CAMK1D: variants seen among roughly 807,000 people sequenced by gnomAD.
The protein encoded by CAMK1D is calcium/calmodulin-dependent protein kinase type 1D.
Under a neutral mutation model 47.7 loss-of-function variants are expected in CAMK1D, and 9 were observed. That is an observed-to-expected ratio of 0.19 (90% CI 0.11 to 0.33). The LOEUF is 0.33. Ranked by LOEUF, CAMK1D falls within the 10% of genes least tolerant of loss-of-function variation. The probability of loss-of-function intolerance (pLI) is 1.00; values close to 1 mark genes in which losing one functional copy is unlikely to be tolerated. For missense variants in CAMK1D, 291 were observed against 488.7 expected (o/e 0.60, Z 3.81); for synonymous variants, 184 against 184.9 (o/e 0.99, Z 0.04).
chr10:12,608,043 T>G (rs1838514681), intron 2 of CAMK1D, among the ~76,000 whole-genome samples: 1 of 152,162 alleles, frequency 6.6e-6, no homozygotes, highest in Non-Finnish European at 1.5e-5. Flanking sequence ...CTTACTATTT[T>G]TATATTTTTG....
At chr10:12,781,908 A>G (rs914040394) in intron 5 of CAMK1D, among the ~76,000 whole-genome samples, 4 of 152,020 alleles carry the variant, frequency 2.6e-5, no homozygotes, top group African/African-American at 9.6e-5. Flanking sequence ...TCAGCTTCCC[A>G]AAGTGCTGGG....
At chr10:12,816,032 G>T (rs561123186) in intron 7 of CAMK1D, among the ~76,000 whole-genome samples, 1 of 152,292 alleles carries the variant, frequency 6.6e-6, no homozygotes, top group Admixed American at 6.5e-5. Context: ...AGGGTCCCAG[G>T]CCACCTCCTC....
chr10:12,609,339 C>T (rs1052731012), intron 2 of CAMK1D, among the ~76,000 whole-genome samples: 9 of 152,200 alleles, frequency 5.9e-5, no homozygotes, highest in Middle Eastern at 3.4e-3. Flanking sequence ...TCCATGGAGA[C>T]GGGGTGGGGG....
intron 1 of CAMK1D, among the ~76,000 whole-genome samples, chr10:12,358,240 G>C (rs1460032725): frequency 3.9e-5 from 6 of 151,970 alleles, no homozygotes; most frequent in Non-Finnish European, 8.8e-5. Flanking sequence ...AGAAAGAAAA[G>C]AAAAAAGAAA....
At chr10:12,429,755 G>A (rs776100222) in intron 1 of CAMK1D, among the ~76,000 whole-genome samples, 2 of 152,154 alleles carry the variant, frequency 1.3e-5, no homozygotes, top group Non-Finnish European at 2.9e-5. Flanking sequence ...TCAGGTTCGA[G>A]GTGGGTGTGA....
intron 2 of CAMK1D, among the ~76,000 whole-genome samples, chr10:12,579,166 T>G (rs182985489): frequency 7.6e-4 from 116 of 151,936 alleles, no homozygotes; most frequent in Middle Eastern, 3.4e-3. Context: ...AGGCTGTGGG[T>G]GTGGAACAGC....
At chr10:12,519,895 AC>A (rs1189909642) in intron 1 of CAMK1D, among the ~76,000 whole-genome samples, 1 of 17,148 alleles carries the variant, frequency 5.8e-5, no homozygotes, top group African/African-American at 2.3e-4. Context: ...CGGGGGGCTG[AC>A]CCCCCACCTC....
intron 3 of CAMK1D, among the ~76,000 whole-genome samples, chr10:12,741,337 A>C (rs899988064): frequency 2.6e-5 from 4 of 152,184 alleles, no homozygotes; most frequent in African/African-American, 4.8e-5. Context: ...AAGTTCAGCA[A>C]ATCCCTCTGC....
At chr10:12,727,840 G>C (rs551386912) in intron 3 of CAMK1D, among the ~76,000 whole-genome samples, 1 of 147,394 alleles carries the variant, frequency 6.8e-6, no homozygotes, top group African/African-American at 2.5e-5. Flanking sequence ...ATCTCAGTTT[G>C]CTGCAACCTC....
intron 1 of CAMK1D, among the ~76,000 whole-genome samples, chr10:12,497,574 A>G (rs551991829): frequency 6.6e-6 from 1 of 152,284 alleles, no homozygotes; most frequent in South Asian, 2.1e-4. Flanking sequence ...CCTTATAGCA[A>G]TACCTGACAT....
intron 3 of CAMK1D, among the ~76,000 whole-genome samples, chr10:12,726,315 T>A (rs911651254): frequency 1.1e-4 from 17 of 151,902 alleles, no homozygotes; most frequent in African/African-American, 3.6e-4. Context: ...TCCCAGCTAC[T>A]TGGGAGGCTG....
intron 1 of CAMK1D, among the ~76,000 whole-genome samples, chr10:12,357,818 G>A (rs1837561045): frequency 6.6e-6 from 1 of 152,154 alleles, no homozygotes; most frequent in African/African-American, 2.4e-5. Context: ...TTTCTGTGGT[G>A]AGGGAGATTT....
At chr10:12,406,425 T>A (rs574692218) in intron 1 of CAMK1D, among the ~76,000 whole-genome samples, 1 of 152,138 alleles carries the variant, frequency 6.6e-6, no homozygotes, top group African/African-American at 2.4e-5. Flanking sequence ...TTAATTAAGC[T>A]GTTGGCCAGA....
intron 3 of CAMK1D, among the ~76,000 whole-genome samples, chr10:12,739,223 A>G (rs1321365327): frequency 6.6e-6 from 1 of 152,202 alleles, no homozygotes; most frequent in East Asian, 1.9e-4. Flanking sequence ...GGCAACAGAG[A>G]GAAACCCTGT....
rs1564597027 is a variant in CAMK1D, at chr10:12,830,955, AC to A, written c.*2069del. The A allele has an allele frequency of 8.6e-5, 13 of 150,428 alleles. No homozygotes were observed. The highest frequency in any genetic ancestry group is 2.1e-4 in the South Asian group (1 of 4,800). The allele number at this position is 150,428 out of a possible 1,614,324, so 9.3% of individuals were successfully genotyped here. ...CACACACACACACACACACACACAC[AC>A]ACACACACAATGTTATTAGGCACAG... On this transcript the variant is annotated 3_prime_UTR_variant, in exon 11 of 11. Coordinates refer to ENST00000619168, the MANE Select transcript of CAMK1D (RefSeq NM_153498.4).
intron 3 of CAMK1D, among the ~76,000 whole-genome samples, chr10:12,725,619 C>A (rs1196674991): frequency 6.6e-6 from 1 of 152,340 alleles, no homozygotes; most frequent in Admixed American, 6.5e-5. Context: ...TCTCAACAGT[C>A]TTCTCTCATT....
chr10:12,754,864 T>A (rs1836158767), intron 3 of CAMK1D, among the ~76,000 whole-genome samples: 3 of 152,142 alleles, frequency 2.0e-5, no homozygotes, highest in African/African-American at 7.2e-5. Context: ...AGTTACCTCT[T>A]TAAAGGCCCT....
chr10:12,354,016 T>C (rs1385627271), intron 1 of CAMK1D, among the ~76,000 whole-genome samples: 1 of 152,110 alleles, frequency 6.6e-6, no homozygotes, highest in Admixed American at 6.6e-5. Flanking sequence ...CACCCTAGAC[T>C]CATAGAAGTC....
intron 3 of CAMK1D, among the ~76,000 whole-genome samples, chr10:12,708,069 A>G (rs1435800224): frequency 6.6e-6 from 1 of 152,158 alleles, no homozygotes; most frequent in Non-Finnish European, 1.5e-5. Context: ...TATTTAGTTT[A>G]ACCTTCGCTC....
Sources: gnomAD v4.1 joint callset for allele counts (sites outside exome capture counted in the v4.1 genomes callset) on GRCh38, gnomAD v4.1.1 for gene constraint, MANE v1.5 for transcripts, NCBI Gene and HGNC (gene_info 2026-07-23, HGNC 2026-07-21) for gene names.